Variants in GLRA2 observed in about 807,000 individuals in gnomAD.
GLRA2 encodes glycine receptor alpha 2, also known as glycine receptor subunit alpha-2.
GLRA2 carries 11 observed loss-of-function variants against 31.6 expected under a neutral mutation model. The ratio of observed to expected loss-of-function variants is 0.35; its 90% CI spans 0.22 to 0.58. The LOEUF (loss-of-function observed/expected upper bound fraction) is 0.58. Among genes scored for constraint, GLRA2 ranks in the 20% least tolerant of loss-of-function variants. The pLI, the probability that GLRA2 is intolerant of heterozygous loss-of-function variation, is 0.84. For synonymous variants in GLRA2, 132 were observed against 134.0 expected, an observed-to-expected ratio of 0.99 and a Z score of 0.10; for missense variants, 212 against 351.8, an observed-to-expected ratio of 0.60 and a Z score of 3.18.
chrX:14,673,431 T>C (rs1269073845), intron 7 of GLRA2, among the ~76,000 whole-genome samples: 4 of 111,917 alleles, frequency 3.6e-5, no homozygotes, highest in Non-Finnish European at 7.5e-5. Context: ...CTGCACATAG[T>C]CACTTAACAC....
intron 7 of GLRA2, among the ~76,000 whole-genome samples, chrX:14,634,411 G>C (rs1407881134): frequency 8.9e-6 from 1 of 111,989 alleles, no homozygotes; most frequent in Non-Finnish European, 1.9e-5. Context: ...GAAAAATAAG[G>C]AAAATGTAAG....
At chrX:14,466,372 A>G in the GLRA2 span, among the ~76,000 whole-genome samples, 1 of 111,671 alleles carries the variant, frequency 9.0e-6, no homozygotes, top group Non-Finnish European at 1.9e-5. Context: ...TTGTAAATCT[A>G]GAGGATGATT....
At chrX:14,612,518 T>C (rs775871394) in intron 7 of GLRA2, among the ~76,000 whole-genome samples, 4 of 111,258 alleles carry the variant, frequency 3.6e-5, no homozygotes, top group African/African-American at 6.5e-5. Flanking sequence ...TAAAGACACA[T>C]GCACAGGTAT....
the GLRA2 span, among the ~76,000 whole-genome samples, chrX:14,472,765 T>C: frequency 3.1e-4 from 35 of 111,734 alleles, no homozygotes; most frequent in African/African-American, 1.1e-3. Flanking sequence ...GAGATTCAGA[T>C]GAGGAAGGGA....
chrX:14,534,148 T>C (rs771678271), intron 2 of GLRA2, among the ~76,000 whole-genome samples: 11 of 110,390 alleles, frequency 1.0e-4, no homozygotes, highest in African/African-American at 3.6e-4. Flanking sequence ...TGGGAAATGA[T>C]ATTTATCATG....
intron 2 of GLRA2, among the ~76,000 whole-genome samples, chrX:14,561,870 T>G (rs969153508): frequency 8.9e-6 from 1 of 112,234 alleles, no homozygotes; most frequent in Middle Eastern, 4.2e-3. Context: ...TGATTGCCTT[T>G]AGTCCTTTGA....
At chrX:14,540,695 A>G (rs1433919409) in intron 2 of GLRA2, among the ~76,000 whole-genome samples, 1 of 111,292 alleles carries the variant, frequency 9.0e-6, no homozygotes, top group Non-Finnish European at 1.9e-5. Context: ...CAGTCTGGAG[A>G]CCATTTGGAT....
the GLRA2 span, among the ~76,000 whole-genome samples, chrX:14,463,198 G>A: frequency 9.0e-6 from 1 of 111,513 alleles, no homozygotes; most frequent in African/African-American, 3.3e-5. Context: ...AGCAAATGTT[G>A]CTGCCCAATA....
rs187360446 is a variant in GLRA2, at chrX:14,532,225, A to C, written c.69-14A>C. 4.6e-6 allele frequency: 5 copies of C among 1,098,458 alleles called. No homozygotes were observed. In the Admixed American group the frequency reaches 1.4e-4, roughly 31 times the overall value. 90.5% of individuals were successfully genotyped at this position (1,098,458 alleles called of 1,213,427 possible). A position where few individuals can be genotyped will look rare whatever the true frequency, so the allele number is the denominator to read the frequency against. On this transcript the variant is annotated splice_polypyrimidine_tract_variant and intron_variant, in intron 1 of 8. Coordinates refer to ENST00000218075, the MANE Select transcript of GLRA2 (RefSeq NM_002063.4). ...AAATGAAATTGTTGCTAAAAGAGTT[A>C]ATGATGTGTTTAGGACGGCTTTCTG...
At chrX:14,515,495 C>T in the GLRA2 span, among the ~76,000 whole-genome samples, 1 of 111,572 alleles carries the variant, frequency 9.0e-6, no homozygotes, top group Non-Finnish European at 1.9e-5. Context: ...CCACTTGATA[C>T]GTGTTAGATC....
chrX:14,605,301 A>G (rs2147092872), intron 5 of GLRA2, among the ~76,000 whole-genome samples: 1 of 112,035 alleles, frequency 8.9e-6, no homozygotes. Context: ...AGAGGTAGTG[A>G]CAGGGTTGAT....
rs2229963 is a variant in GLRA2, at chrX:14,609,022, T to C, written c.747T>C (p.His249=). ...GKFTCIEVKF[H]LERQMGYYLI... ...TTACCTGCATTGAGGTCAAGTTTCA[T>C]CTGGAACGCCAAATGGGATATTATT... Residue 249 remains histidine, a synonymous_variant, in exon 7 of 9, where the codon CAT becomes CAC. Coordinates refer to ENST00000218075, the MANE Select transcript of GLRA2 (RefSeq NM_002063.4). 337,533 of 1,166,455 alleles carry C rather than the reference T, an allele frequency of 0.29. 36,148 individuals are homozygous for C. The highest frequency in any genetic ancestry group is 0.31 in the Non-Finnish European group (266,601 of 857,628).
At chrX:14,467,810 T>G in the GLRA2 span, among the ~76,000 whole-genome samples, 1 of 109,868 alleles carries the variant, frequency 9.1e-6, no homozygotes, top group South Asian at 3.9e-4. Flanking sequence ...TGAAGTGTGA[T>G]ATAAATGGCC....
intron 7 of GLRA2, among the ~76,000 whole-genome samples, chrX:14,626,719 T>C (rs924703185): frequency 2.7e-5 from 3 of 111,784 alleles, no homozygotes; most frequent in East Asian, 2.8e-4. Context: ...GGAAAGCACA[T>C]TGGATGATCA....
chrX:14,674,265 G>T (rs1451521666), intron 7 of GLRA2, among the ~76,000 whole-genome samples: 1 of 112,059 alleles, frequency 8.9e-6, no homozygotes, highest in Non-Finnish European at 1.9e-5. Context: ...ATACAGGAGT[G>T]CTCACTGCAA....
At chrX:14,563,416 G>T (rs1202862169) in intron 2 of GLRA2, among the ~76,000 whole-genome samples, 1 of 112,329 alleles carries the variant, frequency 8.9e-6, no homozygotes, top group African/African-American at 3.2e-5. Flanking sequence ...AGTCTTCGCA[G>T]AAATAGTTTT....
chrX:14,702,881 G>C (rs1226002876), intron 8 of GLRA2, among the ~76,000 whole-genome samples: 1 of 111,623 alleles, frequency 9.0e-6, no homozygotes, highest in East Asian at 2.8e-4. Flanking sequence ...CTTAGAGACA[G>C]GGGCCACCAT....
chrX:14,537,759 G>A (rs939339611), intron 2 of GLRA2, among the ~76,000 whole-genome samples: 2 of 110,200 alleles, frequency 1.8e-5, no homozygotes, highest in African/African-American at 6.6e-5. Flanking sequence ...AATATTGATG[G>A]TGCAAGGCAT....
chrX:14,674,859 C>T (rs1005724673), intron 7 of GLRA2, among the ~76,000 whole-genome samples: 2 of 110,629 alleles, frequency 1.8e-5, no homozygotes, highest in African/African-American at 3.3e-5. Flanking sequence ...CTCCCCAAAG[C>T]CCATTGTTGT....
Sources: allele counts gnomAD v4.1 joint callset (sites outside exome capture counted in the v4.1 genomes callset), GRCh38; gene constraint gnomAD v4.1.1; transcripts MANE v1.5; gene names NCBI Gene and HGNC (gene_info 2026-07-23, HGNC 2026-07-21).